Variants in FGF14 observed in about 807,000 individuals in gnomAD.
FGF14 encodes fibroblast growth factor 14, also known as fibroblast growth factor homologous factor 4.
A neutral mutation model predicts 25.5 loss-of-function variants in FGF14; 5 were observed. That is an observed-to-expected ratio of 0.20 (90% CI 0.10 to 0.41). The LOEUF is 0.41. FGF14 is among the 10% of genes least tolerant of loss of function. The probability of loss-of-function intolerance (pLI) is 1.00; values close to 1 mark genes in which losing one functional copy is unlikely to be tolerated. For synonymous variants in FGF14, 138 were observed against 118.3 expected (o/e 1.17, Z -1.08); for missense variants, 222 against 320.1 (o/e 0.69, Z 2.34).
intron 3 of FGF14, chr13:101,802,443 G>T: frequency 5.3e-6 from 1 of 190,390 alleles, no homozygotes; most frequent in Non-Finnish European, 1.1e-5. Flanking sequence ...GGAGGAGGAG[G>T]ATGAAAAAAA....
At chr13:102,394,480 C>A (rs2058519952) in intron 1 of FGF14, 1 of 152,558 alleles carries the variant, frequency 6.6e-6, no homozygotes, top group South Asian at 2.1e-4. Context: ...CAAGTCTCTC[C>A]CGCGCGGCGG....
intron 3 of FGF14, among the ~76,000 whole-genome samples, chr13:101,804,907 A>G (rs890804507): frequency 6.6e-6 from 1 of 152,114 alleles, no homozygotes; most frequent in Non-Finnish European, 1.5e-5. Context: ...TGCATTTGTA[A>G]CTGTTGGATT....
chr13:101,726,492 C>T, intron 4 of FGF14, 120 bp downstream of exon 4: 1 of 967,978 alleles, frequency 1.0e-6, no homozygotes, highest in East Asian at 2.6e-5. Flanking sequence ...TCACCTAGAT[C>T]AAAATAAATG....
chr13:102,342,684 A>T (rs2056987311), intron 1 of FGF14, among the ~76,000 whole-genome samples: 1 of 152,178 alleles, frequency 6.6e-6, no homozygotes, highest in African/African-American at 2.4e-5. Context: ...CAATCTTAAT[A>T]GTCACAGGAA....
In FGF14 at chr13:101,938,331, A is replaced by G. The variant is rs554099235; in HGVS notation, c.209-63035T>C. Among the ~76,000 whole-genome samples, 7 of 152,360 alleles carry G rather than the reference A, an allele frequency of 4.6e-5. 1 individual carries two copies. In the South Asian group the frequency reaches 1.4e-3, roughly 32 times the overall value. Reference sequence around the variant, plus strand: ...AGAGGGCTGTCTGTCATGTGTATTTACCAAGAATGATTTCTCTTTTTCAAG... The same window carrying G: ...AGAGGGCTGTCTGTCATGTGTATTTGCCAAGAATGATTTCTCTTTTTCAAG... On this transcript the variant is annotated intron_variant, in intron 1 of 4. Coordinates refer to the FGF14 transcript ENST00000376131.
chr13:101,868,495 A>T lies in FGF14; in HGVS notation c.408+230T>A, dbSNP rs191159801. ...TCACGTGTATACTAGGTTATTTTTT[A>T]AAATATGGCAAAAGCACTATTTAAG... On this transcript the variant is annotated intron_variant, in intron 3 of 4. Coordinates refer to ENST00000376143, the MANE Select transcript of FGF14 (RefSeq NM_004115.4). 7.7e-3 allele frequency: 3,691 copies of T among 478,002 alleles called. 28 individuals are homozygous for T. The highest frequency in any genetic ancestry group is 0.012 in the Admixed American group (364 of 30,612). 29.6% of individuals were successfully genotyped at this position (478,002 alleles called of 1,614,324 possible).
chr13:102,161,631 G>GAAGAAGAAGAAGAAGAAGAAGA (rs2047711037), intron 1 of FGF14, among the ~76,000 whole-genome samples: 1 of 6,628 alleles, frequency 1.5e-4, no homozygotes, highest in Non-Finnish European at 2.7e-4. Flanking sequence ...AGAAGAAGAA[G>GAAGAAGAAGAAGAAGAAGAAGA]AAGAAGAAGA....
chr13:102,338,811 C>G (rs1178656480), intron 1 of FGF14, among the ~76,000 whole-genome samples: 1 of 151,806 alleles, frequency 6.6e-6, no homozygotes, highest in African/African-American at 2.4e-5. Flanking sequence ...ACTAGGAGCT[C>G]GAGACCAGCC....
chr13:101,723,324 A>G (rs1466268400), intron 4 of FGF14, among the ~76,000 whole-genome samples: 2 of 151,980 alleles, frequency 1.3e-5, no homozygotes, highest in African/African-American at 4.8e-5. Context: ...TTAATTCTCA[A>G]AAAAAGAAAA....
At chr13:101,911,730 G>A (rs1230870852) in intron 1 of FGF14, among the ~76,000 whole-genome samples, 3 of 151,988 alleles carry the variant, frequency 2.0e-5, no homozygotes, top group Non-Finnish European at 4.4e-5. Context: ...TAATTTAGAA[G>A]ACCATAATTT....
At chr13:101,863,126 TATA>T (rs1439953339) in intron 3 of FGF14, among the ~76,000 whole-genome samples, 2 of 152,180 alleles carry the variant, frequency 1.3e-5, no homozygotes, top group Non-Finnish European at 2.9e-5. Context: ...CATAGATTGT[TATA>T]ATAATTGGAG....
At chr13:102,001,637 T>C (rs1225799568) in intron 1 of FGF14, among the ~76,000 whole-genome samples, 1 of 152,170 alleles carries the variant, frequency 6.6e-6, no homozygotes, top group Non-Finnish European at 1.5e-5. Context: ...CATTACATTA[T>C]ATGGTAGTAC....
chr13:102,025,558 G>C (rs2040880829), intron 1 of FGF14, among the ~76,000 whole-genome samples: 1 of 151,818 alleles, frequency 6.6e-6, no homozygotes, highest in Admixed American at 6.6e-5. Context: ...ACAGGTGTGT[G>C]CCACCATGCC....
chr13:102,126,374 T>C (rs902223623), intron 1 of FGF14, among the ~76,000 whole-genome samples: 2 of 152,222 alleles, frequency 1.3e-5, no homozygotes, highest in African/African-American at 2.4e-5. Flanking sequence ...TCAAGGTTCA[T>C]TCATGTTGTA....
At chr13:102,116,597 A>T (rs1594017852) in intron 1 of FGF14, among the ~76,000 whole-genome samples, 1 of 152,326 alleles carries the variant, frequency 6.6e-6, no homozygotes, top group Middle Eastern at 3.4e-3. Flanking sequence ...GATTTGATTT[A>T]TGTGAAGTGC....
chr13:102,215,008 C>G (rs1014457094), intron 1 of FGF14, among the ~76,000 whole-genome samples: 1 of 152,154 alleles, frequency 6.6e-6, no homozygotes, highest in African/African-American at 2.4e-5. Flanking sequence ...GAGTGGGAAA[C>G]AGATTCTTTT....
At chr13:102,112,981 C>A (rs370011401) in intron 1 of FGF14, among the ~76,000 whole-genome samples, 1 of 152,176 alleles carries the variant, frequency 6.6e-6, no homozygotes, top group Non-Finnish European at 1.5e-5. Context: ...CATATTTCTA[C>A]AGAAAAGGTC....
intron 1 of FGF14, among the ~76,000 whole-genome samples, chr13:102,223,581 T>G (rs2140965601): frequency 6.6e-6 from 1 of 152,332 alleles, no homozygotes; most frequent in Admixed American, 6.5e-5. Flanking sequence ...CCTACGGCTT[T>G]CAGAAGGACT....
At chr13:102,103,053 C>T (rs1159526348) in intron 1 of FGF14, among the ~76,000 whole-genome samples, 3 of 152,146 alleles carry the variant, frequency 2.0e-5, no homozygotes, top group African/African-American at 7.2e-5. Context: ...TCAGAAATGA[C>T]ATTGAAGGTC....
Sources: allele counts gnomAD v4.1 joint callset (sites outside exome capture counted in the v4.1 genomes callset), GRCh38; gene constraint gnomAD v4.1.1; transcripts MANE v1.5; gene names NCBI Gene and HGNC (gene_info 2026-07-23, HGNC 2026-07-21).